The following DPP10 variants were observed in gnomAD, a reference collection of about 807,000 sequenced individuals.
The protein encoded by DPP10 is inactive dipeptidyl peptidase 10.
In DPP10, 33 loss-of-function variants were observed where a neutral mutation model predicts 120.9. That is an observed-to-expected ratio of 0.27 (90% confidence interval 0.21 to 0.37). DPP10 has a LOEUF of 0.37. Among genes scored for constraint, DPP10 ranks in the 10% least tolerant of loss-of-function variants. DPP10 has a pLI of 1.00. For missense variants in DPP10, 816 were observed against 942.8 expected (o/e 0.87, Z 1.76); for synonymous variants, 337 against 326.1 (o/e 1.03, Z -0.36).
At chr2:115,147,744 C>G (rs2051310963) in intron 1 of DPP10, among the ~76,000 whole-genome samples, 1 of 152,054 alleles carries the variant, frequency 6.6e-6, no homozygotes, top group Non-Finnish European at 1.5e-5. Flanking sequence ...GAATGAAAAA[C>G]TGAAGAAATC....
At chr2:114,769,127 T>C (rs1166506443) in intron 1 of DPP10, among the ~76,000 whole-genome samples, 3 of 152,078 alleles carry the variant, frequency 2.0e-5, no homozygotes, top group African/African-American at 7.2e-5. Flanking sequence ...GAAATACAGT[T>C]TGAAGTTTTA....
intron 1 of DPP10, among the ~76,000 whole-genome samples, chr2:114,937,970 C>T (rs1696608712): frequency 6.6e-6 from 1 of 152,050 alleles, no homozygotes; most frequent in African/African-American, 2.4e-5. Context: ...TGTGGGAGAA[C>T]CTTAAATTAA....
At chr2:115,749,079 G>A (rs1027805958) in intron 10 of DPP10, among the ~76,000 whole-genome samples, 2 of 152,106 alleles carry the variant, frequency 1.3e-5, no homozygotes. Context: ...CAGAACTAGT[G>A]GGAGTTGGAT....
At chr2:115,490,924 C>A (rs567861239) in intron 3 of DPP10, among the ~76,000 whole-genome samples, 3 of 152,248 alleles carry the variant, frequency 2.0e-5, no homozygotes, top group Admixed American at 2.0e-4. Context: ...TTGAGACCAG[C>A]CTGGCCAACA....
At chr2:115,539,842 T>C (rs2079076284) in intron 5 of DPP10, among the ~76,000 whole-genome samples, 1 of 151,640 alleles carries the variant, frequency 6.6e-6, no homozygotes, top group Non-Finnish European at 1.5e-5. Flanking sequence ...CAACCAGATA[T>C]ACACACAGAG....
Position 115,840,603 on chromosome 2 carries a change from C to A in DPP10, c.2183-147C>A, listed in dbSNP as rs1016580832. 5 of 724,614 alleles carry A rather than the reference C, an allele frequency of 6.9e-6. No homozygotes were observed. The East Asian group carries it at 1.2e-4, about 18-fold the overall frequency. 44.9% of individuals were successfully genotyped at this position (724,614 alleles called of 1,614,324 possible). Reference sequence around the variant, plus strand: ...CCTCCCAAAGTGCTGAGATTACAGGCGTGAGCCACCGTGCCCAGCCAGATA... The same window carrying A: ...CCTCCCAAAGTGCTGAGATTACAGGAGTGAGCCACCGTGCCCAGCCAGATA... On this transcript the variant is annotated intron_variant, in intron 24 of 25. Coordinates refer to ENST00000410059, the MANE Select transcript of DPP10 (RefSeq NM_020868.6).
rs73946551 is a variant in DPP10, at chr2:115,459,005, A to G, written c.272-40505A>G. Reference sequence around the variant, plus strand: ...AAAGATAAAGAGACACTCCAGTGTCATGTTATATGTATGACAGATGCTTAC... The same window carrying G: ...AAAGATAAAGAGACACTCCAGTGTCGTGTTATATGTATGACAGATGCTTAC... On this transcript the variant is annotated intron_variant, in intron 3 of 25. Transcript: ENST00000410059. Among the ~76,000 whole-genome samples, 439 of 152,278 alleles carry G rather than the reference A, an allele frequency of 2.9e-3. 2 individuals are homozygous for G. Among genetic ancestry groups the G allele is most frequent in the African/African-American group, 0.01 (426 of 41,552 alleles).
At chr2:114,885,258 T>A (rs934175132) in intron 1 of DPP10, among the ~76,000 whole-genome samples, 2 of 151,978 alleles carry the variant, frequency 1.3e-5, no homozygotes, top group South Asian at 4.1e-4. Flanking sequence ...ATGGTGAGAA[T>A]GGGGGGGACA....
chr2:114,699,600 C>T (rs966020040), intron 1 of DPP10, among the ~76,000 whole-genome samples: 2 of 152,072 alleles, frequency 1.3e-5, no homozygotes, highest in Non-Finnish European at 2.9e-5. Context: ...CAGAGGATAA[C>T]ATTGTAAACC....
intron 5 of DPP10, among the ~76,000 whole-genome samples, chr2:115,622,838 T>TG (rs1225909463): frequency 5.7e-4 from 78 of 136,558 alleles, no homozygotes; most frequent in African/African-American, 1.9e-3. Context: ...TCTTTTTTTT[T>TG]TTTTTTTTGT....
chr2:115,202,574 T>G (rs2055814900), intron 1 of DPP10, among the ~76,000 whole-genome samples: 1 of 152,232 alleles, frequency 6.6e-6, no homozygotes, highest in African/African-American at 2.4e-5. Flanking sequence ...TTTAATGTGT[T>G]TCATAATTTT....
intron 5 of DPP10, among the ~76,000 whole-genome samples, chr2:115,557,373 C>T (rs1378650486): frequency 6.6e-6 from 1 of 152,118 alleles, no homozygotes; most frequent in East Asian, 1.9e-4. Flanking sequence ...AAGTGCCTTT[C>T]AAAACAGATT....
intron 1 of DPP10, among the ~76,000 whole-genome samples, chr2:114,939,214 A>C (rs1009612280): frequency 2.0e-5 from 3 of 152,086 alleles, no homozygotes; most frequent in African/African-American, 7.2e-5. Context: ...TAAGATCTTC[A>C]TCCTCATCAT....
intron 1 of DPP10, among the ~76,000 whole-genome samples, chr2:114,464,237 C>G (rs1477758088): frequency 6.6e-6 from 1 of 152,284 alleles, no homozygotes; most frequent in African/African-American, 2.4e-5. Context: ...CAGCAGTGTG[C>G]TTCACCAGCA....
At chr2:115,251,106 T>G (rs2058732380) in intron 1 of DPP10, among the ~76,000 whole-genome samples, 1 of 152,232 alleles carries the variant, frequency 6.6e-6, no homozygotes, top group African/African-American at 2.4e-5. Context: ...CTGCCAGGGA[T>G]AGGTCTGTGG....
chr2:114,503,378 C>A (rs750965086), intron 1 of DPP10, among the ~76,000 whole-genome samples: 1 of 152,050 alleles, frequency 6.6e-6, no homozygotes, highest in Non-Finnish European at 1.5e-5. Context: ...ACTTTATAAC[C>A]AGGGTATATA....
intron 1 of DPP10, among the ~76,000 whole-genome samples, chr2:114,944,226 T>G (rs753707084): frequency 5.3e-4 from 80 of 152,132 alleles, no homozygotes; most frequent in Non-Finnish European, 1.1e-3. Context: ...ATAATGTAAT[T>G]TATAGACATA....
intron 1 of DPP10, among the ~76,000 whole-genome samples, chr2:115,296,696 T>C (rs188055052): frequency 1.3e-5 from 2 of 152,212 alleles, no homozygotes; most frequent in Admixed American, 1.3e-4. Context: ...TGAGTATTTT[T>C]AAAAATATAA....
intron 5 of DPP10, among the ~76,000 whole-genome samples, chr2:115,552,329 G>C (rs57440726): frequency 0.016 from 2,390 of 152,146 alleles, 67 homozygotes; most frequent in African/African-American, 0.055. Flanking sequence ...CATTTGTGTA[G>C]GCAAAGGACA....
Sources: allele counts gnomAD v4.1 joint callset (sites outside exome capture counted in the v4.1 genomes callset), GRCh38; gene constraint gnomAD v4.1.1; transcripts MANE v1.5; gene names NCBI Gene and HGNC (gene_info 2026-07-23, HGNC 2026-07-21).